Variants in CTNNA3 observed in about 807,000 individuals in gnomAD.
The protein encoded by CTNNA3 is catenin alpha 3, also known as catenin alpha-3.
Under a neutral mutation model 95.7 loss-of-function variants are expected in CTNNA3, and 76 were observed. That is an observed-to-expected ratio of 0.79 (90% CI 0.66 to 0.96). The LOEUF is 0.96. Ranked by LOEUF, CTNNA3 falls within the 40% of genes least tolerant of loss-of-function variation. The probability of loss-of-function intolerance (pLI) is 0.00; values close to 1 mark genes in which losing one functional copy is unlikely to be tolerated. For missense variants in CTNNA3, 1,191 were observed against 1,089.8 expected (o/e 1.09, Z -1.31); for synonymous variants, 431 against 374.4 (o/e 1.15, Z -1.74).
chr10:66,366,077 G>A (rs1222847293), intron 12 of CTNNA3, among the ~76,000 whole-genome samples: 1 of 152,124 alleles, frequency 6.6e-6, no homozygotes, highest in Non-Finnish European at 1.5e-5. Flanking sequence ...AAATTTTAGG[G>A]AGATTTGCTA....
intron 10 of CTNNA3, among the ~76,000 whole-genome samples, chr10:66,525,605 G>A (rs1308810318): frequency 1.3e-5 from 2 of 152,110 alleles, no homozygotes; most frequent in East Asian, 1.9e-4. Flanking sequence ...AATGCCTGGT[G>A]TAAAGAAAAA....
chr10:66,971,606 C>A (rs1589520339), intron 7 of CTNNA3, among the ~76,000 whole-genome samples: 1 of 152,030 alleles, frequency 6.6e-6, no homozygotes, highest in Admixed American at 6.6e-5. Flanking sequence ...TTATGTAATG[C>A]ACCTAGTAGA....
chr10:66,776,041 AT>A (rs1840282257), intron 7 of CTNNA3, among the ~76,000 whole-genome samples: 1 of 152,168 alleles, frequency 6.6e-6, no homozygotes, highest in African/African-American at 2.4e-5. Context: ...CCAAGAACAA[AT>A]TGTTTTAAGT....
intron 9 of CTNNA3, among the ~76,000 whole-genome samples, chr10:66,683,688 G>T (rs1189112608): frequency 6.6e-6 from 1 of 152,182 alleles, no homozygotes; most frequent in Non-Finnish European, 1.5e-5. Flanking sequence ...CACTATGAGA[G>T]CATATTTTCC....
intron 11 of CTNNA3, among the ~76,000 whole-genome samples, chr10:66,448,307 C>T (rs1250253011): frequency 2.6e-5 from 4 of 152,112 alleles, no homozygotes; most frequent in African/African-American, 7.2e-5. Context: ...TATCATTTGA[C>T]CCAGCCATCC....
chr10:67,188,985 C>T (rs142854770), intron 6 of CTNNA3, among the ~76,000 whole-genome samples: 29 of 151,952 alleles, frequency 1.9e-4, no homozygotes, highest in Non-Finnish European at 2.8e-4. Flanking sequence ...GGCGTGGTGG[C>T]GCATGCCTGT....
At position 66,130,163 on chromosome 10, in the gene CTNNA3, C is replaced by T. The variant is rs537156566; in HGVS notation, c.1885-26914G>A. On this transcript the variant is annotated intron_variant, in intron 13 of 17. Coordinates refer to ENST00000433211, the MANE Select transcript of CTNNA3 (RefSeq NM_013266.4). ...CATGCAGAGGGCACACATAGTCCTG[C>T]ACCCACCACAAACATACAACACACC... 2.6e-5 allele frequency among the ~76,000 whole-genome samples: 4 copies of T among 152,304 alleles called. No homozygotes were observed. In the South Asian group the frequency reaches 6.2e-4, roughly 24 times the overall value.
At chr10:66,330,510 G>T (rs1233766757) in intron 12 of CTNNA3, among the ~76,000 whole-genome samples, 5 of 152,110 alleles carry the variant, frequency 3.3e-5, no homozygotes, top group African/African-American at 1.2e-4. Context: ...TTGCTATTGG[G>T]AATAGTGCCA....
Position 67,022,867 on chromosome 10 carries a change from G to A in CTNNA3, c.1047+157450C>T, listed in dbSNP as rs139696065. On this transcript the variant is annotated intron_variant, in intron 7 of 17. Coordinates refer to ENST00000433211, the MANE Select transcript of CTNNA3 (RefSeq NM_013266.4). ...GCAGGAGAATAGCTTGAACCCGGGT[G>A]GCGGAGGTTGCAGTGAGCCGAGATC... Among the ~76,000 whole-genome samples, 1,168 of 152,264 alleles carry A rather than the reference G, an allele frequency of 7.7e-3. 39 individuals are homozygous for A. The East Asian group carries it at 0.11, about 14-fold the overall frequency.
At chr10:66,541,049 C>T (rs1164953347) in intron 10 of CTNNA3, among the ~76,000 whole-genome samples, 7 of 151,818 alleles carry the variant, frequency 4.6e-5, no homozygotes, top group Admixed American at 1.3e-4. Context: ...TTTTTTCTCT[C>T]AAAAAGAAAA....
At chr10:67,456,635 C>T (rs1164668493) in intron 5 of CTNNA3, among the ~76,000 whole-genome samples, 1 of 152,128 alleles carries the variant, frequency 6.6e-6, no homozygotes, top group Non-Finnish European at 1.5e-5. Context: ...TGAACATGAG[C>T]AGTGTAGTCA....
intron 15 of CTNNA3, among the ~76,000 whole-genome samples, chr10:66,010,415 A>G (rs1029219691): frequency 2.0e-5 from 3 of 152,198 alleles, no homozygotes; most frequent in African/African-American, 7.2e-5. Context: ...TTTTAGACCA[A>G]CAAAAAACAA....
At chr10:66,503,228 G>T (rs375351454) in intron 11 of CTNNA3, among the ~76,000 whole-genome samples, 1 of 152,162 alleles carries the variant, frequency 6.6e-6, no homozygotes, top group Non-Finnish European at 1.5e-5. Context: ...AAGAATGTGA[G>T]CTCTAAGGAT....
intron 12 of CTNNA3, among the ~76,000 whole-genome samples, chr10:66,355,829 A>G (rs966607572): frequency 6.6e-6 from 1 of 151,972 alleles, no homozygotes; most frequent in Non-Finnish European, 1.5e-5. Flanking sequence ...AGAGTTTTCT[A>G]TTGTAATTTA....
chr10:66,811,873 C>A (rs773630488), intron 7 of CTNNA3, among the ~76,000 whole-genome samples: 4 of 152,178 alleles, frequency 2.6e-5, no homozygotes, highest in Admixed American at 6.5e-5. Flanking sequence ...GATAGCAGAG[C>A]ACTTTAAGAT....
At chr10:67,714,250 C>T (rs1841129672) in intron 1 of CTNNA3, among the ~76,000 whole-genome samples, 1 of 152,212 alleles carries the variant, frequency 6.6e-6, no homozygotes, top group African/African-American at 2.4e-5. Context: ...ACACTCAATG[C>T]CAGACCATGA....
At chr10:67,570,903 G>A (rs1841953392) in intron 3 of CTNNA3, among the ~76,000 whole-genome samples, 1 of 152,128 alleles carries the variant, frequency 6.6e-6, no homozygotes, top group Non-Finnish European at 1.5e-5. Context: ...CATTATGTGG[G>A]ATAGATGGAA....
At chr10:67,176,935 A>C (rs774092801) in intron 7 of CTNNA3, 1 of 507,844 alleles carries the variant, frequency 2.0e-6, no homozygotes, top group East Asian at 5.6e-5. Context: ...TTCCTCCAAC[A>C]ATTTGATTTT....
chr10:67,528,029 G>A (rs1453429570), intron 4 of CTNNA3, among the ~76,000 whole-genome samples: 4 of 152,202 alleles, frequency 2.6e-5, no homozygotes, highest in African/African-American at 4.8e-5. Context: ...AAATCATTAG[G>A]TATCCACCTT....
Sources: allele counts gnomAD v4.1 joint callset (sites outside exome capture counted in the v4.1 genomes callset), GRCh38; gene constraint gnomAD v4.1.1; transcripts MANE v1.5; gene names NCBI Gene and HGNC (gene_info 2026-07-23, HGNC 2026-07-21).